Variants in GRID2 observed in about 807,000 individuals in gnomAD.
The protein encoded by GRID2 is glutamate ionotropic receptor delta type subunit 2, also known as glutamate receptor ionotropic, delta-2.
A neutral mutation model predicts 114.8 loss-of-function variants in GRID2; 33 were observed. The ratio of observed to expected loss-of-function variants is 0.29; its 90% CI spans 0.22 to 0.38. The LOEUF is 0.38. Ranked by LOEUF, GRID2 falls within the 10% of genes least tolerant of loss-of-function variation. The probability of loss-of-function intolerance (pLI) is 1.00; values close to 1 mark genes in which losing one functional copy is unlikely to be tolerated. For missense variants in GRID2, 1,184 were observed against 1,257.7 expected (o/e 0.94, Z 0.89); for synonymous variants, 505 against 449.9 (o/e 1.12, Z -1.55).
At chr4:92,654,932 T>A (rs939758365) in intron 2 of GRID2, among the ~76,000 whole-genome samples, 1 of 152,064 alleles carries the variant, frequency 6.6e-6, no homozygotes, top group Admixed American at 6.6e-5. Context: ...TTGCCTGTGC[T>A]TTTGAGGTCT....
chr4:92,523,763 C>G (rs1724898430), intron 1 of GRID2, among the ~76,000 whole-genome samples: 1 of 151,910 alleles, frequency 6.6e-6, no homozygotes, highest in African/African-American at 2.4e-5. Flanking sequence ...GGGCTGTGTA[C>G]AGAGTCAGGT....
chr4:92,408,672 C>T (rs925312686), intron 1 of GRID2, among the ~76,000 whole-genome samples: 4 of 149,860 alleles, frequency 2.7e-5, no homozygotes, highest in Non-Finnish European at 4.4e-5. Flanking sequence ...TTTTGTAGTT[C>T]TCTTTGTAGA....
intron 2 of GRID2, among the ~76,000 whole-genome samples, chr4:93,061,196 G>GT (rs752045329): frequency 0.02 from 2,201 of 112,716 alleles, 110 homozygotes; most frequent in African/African-American, 0.043. Flanking sequence ...GGTTTTTCTT[G>GT]TTTTTTTTTT....
chr4:93,377,834 G>A (rs1026451987), intron 8 of GRID2, among the ~76,000 whole-genome samples: 1 of 151,648 alleles, frequency 6.6e-6, no homozygotes, highest in South Asian at 2.1e-4. Flanking sequence ...CAGTAACCTG[G>A]CATTTTAAAA....
chr4:92,882,379 T>G (rs1578380290), intron 2 of GRID2, among the ~76,000 whole-genome samples: 1 of 152,246 alleles, frequency 6.6e-6, no homozygotes, highest in Non-Finnish European at 1.5e-5. Flanking sequence ...ACAGAAAGCA[T>G]ATTTTACAGA....
intron 14 of GRID2, among the ~76,000 whole-genome samples, chr4:93,699,078 C>T (rs1727287018): frequency 6.6e-6 from 1 of 152,084 alleles, no homozygotes; most frequent in African/African-American, 2.4e-5. Context: ...TCTTACACCT[C>T]CTCAACATCT....
intron 1 of GRID2, among the ~76,000 whole-genome samples, chr4:92,340,425 C>A (rs961072533): frequency 6.6e-6 from 1 of 152,128 alleles, no homozygotes; most frequent in Non-Finnish European, 1.5e-5. Context: ...GTGCACAAAG[C>A]CCTTCTTGAT....
intron 1 of GRID2, among the ~76,000 whole-genome samples, chr4:92,545,166 A>C (rs1447267792): frequency 6.6e-6 from 1 of 151,970 alleles, no homozygotes; most frequent in Non-Finnish European, 1.5e-5. Flanking sequence ...AAAAAGAATG[A>C]AATGAAAACC....
chr4:93,248,410 G>A (rs1165746394), intron 8 of GRID2, among the ~76,000 whole-genome samples: 1 of 152,122 alleles, frequency 6.6e-6, no homozygotes, highest in Non-Finnish European at 1.5e-5. Flanking sequence ...CAAAGAGTAA[G>A]CCATTCACCC....
At chr4:93,397,721 C>T (rs1765469403) in intron 9 of GRID2, among the ~76,000 whole-genome samples, 1 of 151,888 alleles carries the variant, frequency 6.6e-6, no homozygotes, top group African/African-American at 2.4e-5. Context: ...ACACCAAAAT[C>T]TGCAAATTCT....
At chr4:93,263,333 G>A (rs1037595188) in intron 8 of GRID2, among the ~76,000 whole-genome samples, 7 of 151,850 alleles carry the variant, frequency 4.6e-5, no homozygotes, top group African/African-American at 7.2e-5. Flanking sequence ...GAATGAAGCC[G>A]TTACTCAGCA....
chr4:92,727,466 G>C (rs984123615), intron 2 of GRID2, among the ~76,000 whole-genome samples: 1 of 151,952 alleles, frequency 6.6e-6, no homozygotes, highest in East Asian at 1.9e-4. Flanking sequence ...TTACTATTTT[G>C]GTTAAGGGCC....
At chr4:93,403,973 C>T (rs1766162109) in intron 9 of GRID2, among the ~76,000 whole-genome samples, 1 of 151,894 alleles carries the variant, frequency 6.6e-6, no homozygotes, top group African/African-American at 2.4e-5. Context: ...GGAAACAACC[C>T]AAAGGTCTAT....
chr4:93,314,327 AAAG>A (rs1259359236), intron 8 of GRID2, among the ~76,000 whole-genome samples: 48 of 130,510 alleles, frequency 3.7e-4, no homozygotes, highest in African/African-American at 9.1e-4. Context: ...AAAAAAAAAA[AAAG>A]AAGAAGAAGA....
chr4:92,633,016 A>G (rs1481077881), intron 2 of GRID2, among the ~76,000 whole-genome samples: 1 of 152,204 alleles, frequency 6.6e-6, no homozygotes, highest in African/African-American at 2.4e-5. Flanking sequence ...AGACAGATGT[A>G]GCACCAAATC....
intron 8 of GRID2, among the ~76,000 whole-genome samples, chr4:93,385,498 A>G (rs781355295): frequency 2.6e-5 from 4 of 152,200 alleles, no homozygotes; most frequent in Non-Finnish European, 4.4e-5. Context: ...TATTCATGCA[A>G]TAAATTTTCA....
chr4:93,121,573 T>A (rs1313143070), intron 4 of GRID2, among the ~76,000 whole-genome samples: 1 of 152,238 alleles, frequency 6.6e-6, no homozygotes, highest in African/African-American at 2.4e-5. Context: ...ATGATTTTTT[T>A]ACAGTTTTGC....
chr4:93,438,859 A>T (rs1034271769), intron 10 of GRID2, among the ~76,000 whole-genome samples: 8 of 126,130 alleles, frequency 6.3e-5, no homozygotes, highest in African/African-American at 2.4e-4. Flanking sequence ...TAGTCCCCGG[A>T]GTGTGATGTT....
At chr4:92,822,457 G>A (rs1431584966) in intron 2 of GRID2, 2 of 483,030 alleles carry the variant, frequency 4.1e-6, no homozygotes, top group Non-Finnish European at 8.1e-6. Context: ...GCCGTTAGGT[G>A]AGAAGTGGAC....
Sources: allele counts gnomAD v4.1 joint callset (sites outside exome capture counted in the v4.1 genomes callset), GRCh38; gene constraint gnomAD v4.1.1; transcripts MANE v1.5; gene names NCBI Gene and HGNC (gene_info 2026-07-23, HGNC 2026-07-21).